STARD9: variants seen among roughly 807,000 people sequenced by gnomAD.
STARD9 encodes the protein StAR related lipid transfer domain containing 9, also known as stAR-related lipid transfer protein 9.
In STARD9, 346 loss-of-function variants were observed where a neutral mutation model predicts 399.8. That is an observed-to-expected ratio of 0.87 (90% CI 0.79 to 0.95). The LOEUF (loss-of-function observed/expected upper bound fraction) is 0.95, where lower values mean the gene tolerates loss of function less well. Among genes scored for constraint, STARD9 ranks in the 40% least tolerant of loss-of-function variants. The probability of loss-of-function intolerance (pLI) is 0.00; values close to 1 mark genes in which losing one functional copy is unlikely to be tolerated. For synonymous variants in STARD9, 2,203 were observed against 2,143.5 expected, an observed-to-expected ratio of 1.03 and a Z score of -0.77; for missense variants, 5,832 against 5,667.5, an observed-to-expected ratio of 1.03 and a Z score of -0.93.
At chr15:42,642,579 TC>T (rs2059562169) in intron 7 of STARD9, among the ~76,000 whole-genome samples, 6 of 152,264 alleles carry the variant, frequency 3.9e-5, no homozygotes, top group Middle Eastern at 6.8e-3. Context: ...CACAGGAGTT[TC>T]CCCCCAACCC....
chr15:42,719,849 C>G lies in STARD9; in HGVS notation c.*275C>G, dbSNP rs992646439. The G allele has an allele frequency of 2.8e-5, 10 of 361,496 alleles. No homozygotes were observed. The highest frequency in any genetic ancestry group is 2.6e-4 in the Admixed American group (6 of 22,702). 22.4% of individuals were successfully genotyped at this position (361,496 alleles called of 1,614,324 possible). On this transcript the variant is annotated 3_prime_UTR_variant, in exon 33 of 33. Transcript: ENST00000290607. ...TCCGCTCACCTTTTGGATTTCTCACCTTTCTTTCCTGTTTCTGGGACTCTG... is the reference window on the plus strand; with the variant it reads ...TCCGCTCACCTTTTGGATTTCTCACGTTTCTTTCCTGTTTCTGGGACTCTG...
rs139149536 is a variant in STARD9, at chr15:42,693,476, T to G, written c.11898T>G (p.Ser3966Arg). Residue 3966 changes from serine (S) to arginine (R), a missense_variant, in exon 23 of 33, where the codon AGT (serine) becomes AGG (arginine). This residue lies in a region of STARD9 where 5,828 missense variants were observed against 5,651.1 expected (regional missense o/e 1.03). Coordinates refer to ENST00000290607, the MANE Select transcript of STARD9 (RefSeq NM_020759.3). ...DELGGSQRGR[S>R]SLQRSNGRSF... ...TAGGTGGCTCCCAGAGAGGTAGAAG[T>G]TCCTTACAAAGGAGTAATGGGAGAT... 915 of 1,537,238 alleles carry G rather than the reference T, an allele frequency of 6.0e-4. 6 individuals are homozygous for G. In the African/African-American group the frequency reaches 0.011, roughly 19 times the overall value.
Position 42,682,085 on chromosome 15 carries a change from G to C in STARD9, c.2066-19G>C. On this transcript the variant is annotated intron_variant, in intron 21 of 32. Transcript: ENST00000290607. The stretch of plus-strand genomic sequence containing the variant: ...GGAAGGAGATGCTGAAATTCTCTCT[G>C]GGTGTTTTTGGTTCCCAGACCAGCA... 6.7e-7 allele frequency: 1 copy of C among 1,492,030 alleles called. No individual in the cohort carries two copies. The highest frequency in any genetic ancestry group is 9.0e-7 in the Non-Finnish European group (1 of 1,110,310). The allele number at this position is 1,492,030 out of a possible 1,614,324, so 92.4% of individuals were successfully genotyped here.
In STARD9 at chr15:42,691,343, C is replaced by T; in HGVS notation, c.9765C>T (p.Ala3255=). The T allele has an allele frequency of 1.3e-6, 2 of 1,537,178 alleles. No individual in the cohort carries two copies. The highest frequency in any genetic ancestry group is 1.7e-6 in the Non-Finnish European group (2 of 1,146,884). The change falls in exon 23 of 33, where the codon GCC becomes GCT. Residue 3255 remains alanine (A), a synonymous_variant. Coordinates refer to ENST00000290607, the MANE Select transcript of STARD9 (RefSeq NM_020759.3). ...LDAGREEVAV[A]KPPVSKILSQ... ...CTGGGAGAGAGGAGGTGGCTGTGGC[C>T]AAGCCTCCTGTGTCCAAGATTTTAT...
chr15:42,642,607 G>A (rs1044781284), intron 7 of STARD9, among the ~76,000 whole-genome samples: 5 of 152,110 alleles, frequency 3.3e-5, no homozygotes, highest in Non-Finnish European at 7.4e-5. Flanking sequence ...TTTAGTTCTT[G>A]TGCCTTTTTT....
chr15:42,693,890 G>A lies in STARD9; in HGVS notation c.12312G>A (p.Leu4104=). The change falls in exon 23 of 33, where the codon TTG becomes TTA. Residue 4104 remains leucine, a synonymous_variant. Coordinates refer to ENST00000290607, the MANE Select transcript of STARD9 (RefSeq NM_020759.3). ...CTGCAGGGCTCCGAGGTTCTGCCTT[G>A]GGCCTCCCTCAGGCCTGCCAACCTG... ...TDTAGLRGSA[L]GLPQACQPEE... 6.5e-7 allele frequency: 1 copy of A among 1,531,084 alleles called. No individual in the cohort carries two copies. Among genetic ancestry groups the A allele is most frequent in the Non-Finnish European group, 8.8e-7 (1 of 1,142,808 alleles). 94.8% of individuals were successfully genotyped at this position (1,531,084 alleles called of 1,614,324 possible). A position where few individuals can be genotyped will look rare whatever the true frequency, so the allele number is the denominator to read the frequency against.
intron 22 of STARD9, 32 bp downstream of exon 22, chr15:42,682,607 C>A: frequency 6.7e-7 from 1 of 1,483,426 alleles, no homozygotes; most frequent in Non-Finnish European, 9.0e-7. Flanking sequence ...GGGAAGCACT[C>A]GGTTAAAGTT....
At chr15:42,618,998 T>A (rs920700060) in intron 3 of STARD9, among the ~76,000 whole-genome samples, 3 of 152,220 alleles carry the variant, frequency 2.0e-5, no homozygotes, top group African/African-American at 7.2e-5. Flanking sequence ...TGTAAATATT[T>A]ATTCTTTATA....
chr15:42,610,511 G>A (rs1054238995), intron 3 of STARD9, among the ~76,000 whole-genome samples: 2 of 151,868 alleles, frequency 1.3e-5, no homozygotes, highest in African/African-American at 2.4e-5. Context: ...ATTCTTTTGG[G>A]GTTTGCTGCA....
intron 10 of STARD9, among the ~76,000 whole-genome samples, chr15:42,662,310 G>C (rs1344993304): frequency 1.3e-5 from 2 of 152,058 alleles, no homozygotes; most frequent in African/African-American, 4.8e-5. Flanking sequence ...AACATAATAT[G>C]GTACAGTATT....
chr15:42,708,008 G>T (rs1011797396), intron 26 of STARD9, among the ~76,000 whole-genome samples: 3 of 135,156 alleles, frequency 2.2e-5, no homozygotes, highest in Non-Finnish European at 4.7e-5. Context: ...AAAAAAAAAA[G>T]CCAGGGTGGT....
chr15:42,694,641 A>G lies in STARD9; in HGVS notation c.12878A>G (p.Asp4293Gly). 1 of 1,537,060 alleles carries G rather than the reference A, an allele frequency of 6.5e-7. No individual in the cohort carries two copies. The highest frequency in any genetic ancestry group is 8.7e-7 in the Non-Finnish European group (1 of 1,146,862). Residue 4293 changes from aspartate to glycine, a missense_variant, in exon 24 of 33, where the codon GAT becomes GGT. Physicochemically the swap from Asp to Gly is moderately conservative, Grantham distance 94. Around this residue, in one of 2 missense-constraint regions of STARD9, gnomAD observed 5,828 missense variants for 5,651.1 expected, o/e 1.03. Coordinates refer to ENST00000290607, the MANE Select transcript of STARD9 (RefSeq NM_020759.3). The part of the protein sequence containing the change: ...QKQLSLLPNK[D>G]LFIWDLDLPS... ...CAACTGAGCCTCCTGCCCAACAAAG[A>G]TCTCTTCATCTGGGATCTTGACTTG...
intron 26 of STARD9, among the ~76,000 whole-genome samples, chr15:42,697,687 A>G (rs1877136): frequency 9.8e-5 from 15 of 152,312 alleles, no homozygotes; most frequent in Admixed American, 7.2e-4. Context: ...TATTTAAAAC[A>G]CTATATGAAA....
Position 42,691,758 on chromosome 15 carries a change from A to G in STARD9, c.10180A>G (p.Thr3394Ala). The change falls in exon 23 of 33, where the codon ACT becomes GCT. Residue 3394 changes from threonine to alanine, a missense_variant. Thr to Ala is a moderately conservative substitution (Grantham distance 58). Transcript: ENST00000290607. ...QKASSRLDDGTTDHRHLKPAT... is the reference protein window; with the variant it reads ...QKASSRLDDGATDHRHLKPAT... ...AGCCTCATCTCGCTTGGATGATGGG[A>G]CTACCGATCACAGGCACCTGAAGCC... 1.3e-6 allele frequency: 2 copies of G among 1,537,216 alleles called. No homozygotes were observed. Among genetic ancestry groups the G allele is most frequent in the Non-Finnish European group, 1.7e-6 (2 of 1,146,890 alleles).
chr15:42,584,878 C>A (rs928175468), intron 2 of STARD9, among the ~76,000 whole-genome samples: 1 of 152,118 alleles, frequency 6.6e-6, no homozygotes, highest in Non-Finnish European at 1.5e-5. Context: ...ATAGGTTGAA[C>A]GTCTTAATTT....
chr15:42,719,399 T>G, intron 32 of STARD9, 74 bp from the exon 33 acceptor site: 1 of 966,006 alleles, frequency 1.0e-6, no homozygotes, highest in South Asian at 1.5e-5. Context: ...CTGAGGGGAC[T>G]CCATGGGACT....
chr15:42,691,229 C>A lies in STARD9; in HGVS notation c.9651C>A (p.Asp3217Glu). Reference sequence around the variant, plus strand: ...GGCAGGAAGAAGAGCAGCACAGAGACCAGGCTTCAGGTGGTGGAGAAGGCT... The same window carrying A: ...GGCAGGAAGAAGAGCAGCACAGAGAACAGGCTTCAGGTGGTGGAGAAGGCT... ...SPWQEEEQHR[D>E]QASGGGEGFA... Residue 3217 changes from aspartate to glutamate, a missense_variant, in exon 23 of 33, where the codon GAC (aspartate) becomes GAA (glutamate). Physicochemically the swap from Asp to Glu is conservative, Grantham distance 45 (BLOSUM62 2). This residue lies in a region of STARD9 where 5,828 missense variants were observed against 5,651.1 expected (regional missense o/e 1.03). Coordinates refer to ENST00000290607, the MANE Select transcript of STARD9 (RefSeq NM_020759.3). The A allele has an allele frequency of 6.5e-7, 1 of 1,537,234 alleles. No individual in the cohort carries two copies. Among genetic ancestry groups the A allele is most frequent in the Non-Finnish European group, 8.7e-7 (1 of 1,146,898 alleles).
intron 3 of STARD9, among the ~76,000 whole-genome samples, chr15:42,624,233 C>T (rs953933910): frequency 1.3e-5 from 2 of 152,074 alleles, no homozygotes; most frequent in African/African-American, 4.8e-5. Context: ...TATGCTTTCC[C>T]ATGCTATATA....
chr15:42,665,273 T>A lies in STARD9; in HGVS notation c.1197T>A (p.Ile399=). Residue 399 remains isoleucine, a synonymous_variant, in exon 14 of 33, where the codon ATT becomes ATA. Coordinates refer to ENST00000290607, the MANE Select transcript of STARD9 (RefSeq NM_020759.3). ...TTCAGGATGCAAACTTAAAACTGAT[T>A]AGAGAACTCAGAGAAGAGATTGAAA... is the stretch of plus-strand genomic sequence containing the variant. ...RVNEDANLKL[I]RELREEIERL... is the part of the protein sequence containing the mutation. 1 of 1,537,036 alleles carries A rather than the reference T, an allele frequency of 6.5e-7. No homozygotes were observed. The highest frequency in any genetic ancestry group is 8.7e-7 in the Non-Finnish European group (1 of 1,146,750).
Sources: allele counts gnomAD v4.1 joint callset (sites outside exome capture counted in the v4.1 genomes callset), GRCh38; gene constraint gnomAD v4.1.1; regional missense constraint gnomAD v4.1.1; transcripts MANE v1.5; gene names NCBI Gene and HGNC (gene_info 2026-07-23, HGNC 2026-07-21).